Variants in DGKB observed in about 807,000 individuals in gnomAD.
The protein encoded by DGKB is 90 kDa diacylglycerol kinase.
Under a neutral mutation model 114.3 loss-of-function variants are expected in DGKB, and 67 were observed. The ratio of observed to expected loss-of-function variants is 0.59; its 90% CI spans 0.48 to 0.72. The LOEUF (loss-of-function observed/expected upper bound fraction) is 0.72. DGKB is among the 30% of genes least tolerant of loss of function. The probability of loss-of-function intolerance (pLI) is 0.00; values close to 1 mark genes in which losing one functional copy is unlikely to be tolerated. For missense variants in DGKB, 907 were observed against 975.2 expected (o/e 0.93, Z 0.93); for synonymous variants, 398 against 323.1 (o/e 1.23, Z -2.49).
At position 14,226,783 on chromosome 7, in the gene DGKB, A is replaced by G. The variant is rs1369408274; in HGVS notation, c.2123-48632T>C. On this transcript the variant is annotated intron_variant, in intron 23 of 25. Coordinates refer to ENST00000402815, the MANE Select transcript of DGKB (RefSeq NM_001350709.2). ...GAAATGAATCAATTATATAACACAT[A>G]TAAGATTGCAATTCATGTTTGTGGT... is the stretch of plus-strand genomic sequence containing the variant. 4.6e-5 allele frequency among the ~76,000 whole-genome samples: 7 copies of G among 152,098 alleles called. 1 individual carries two copies. Among genetic ancestry groups the G allele is most frequent in the Admixed American group, 3.9e-4 (6 of 15,244 alleles).
At chr7:14,846,804 G>C (rs1586883653) in intron 1 of DGKB, among the ~76,000 whole-genome samples, 1 of 152,262 alleles carries the variant, frequency 6.6e-6, no homozygotes, top group East Asian at 1.9e-4. Context: ...CACTGTACCT[G>C]GGCTAAAGCA....
At chr7:14,574,805 T>G (rs185588764) in intron 19 of DGKB, among the ~76,000 whole-genome samples, 1 of 152,304 alleles carries the variant, frequency 6.6e-6, no homozygotes, top group East Asian at 1.9e-4. Flanking sequence ...CATCACTCTC[T>G]TACCCTCACC....
At chr7:14,470,623 T>C (rs191840641) in intron 21 of DGKB, among the ~76,000 whole-genome samples, 158 of 151,970 alleles carry the variant, frequency 1.0e-3, no homozygotes, top group Non-Finnish European at 1.8e-3. Flanking sequence ...CAAAGATACA[T>C]GTTAAAAGCC....
intron 20 of DGKB, among the ~76,000 whole-genome samples, chr7:14,573,447 A>G (rs1030834885): frequency 6.7e-6 from 1 of 148,794 alleles, no homozygotes; most frequent in Admixed American, 6.7e-5. Flanking sequence ...ATATTCTACT[A>G]GCCTTTTTAT....
chr7:14,963,303 C>CA (rs1292637856), intron 1 of DGKB, among the ~76,000 whole-genome samples: 2 of 152,076 alleles, frequency 1.3e-5, no homozygotes, highest in Non-Finnish European at 2.9e-5. Context: ...CACAAATACA[C>CA]AAAATGTACT....
At chr7:14,649,290 G>T (rs374965249) in intron 13 of DGKB, among the ~76,000 whole-genome samples, 2 of 151,514 alleles carry the variant, frequency 1.3e-5, no homozygotes, top group African/African-American at 2.4e-5. Context: ...GACTAACAGC[G>T]GATCTCTCGG....
intron 20 of DGKB, among the ~76,000 whole-genome samples, chr7:14,538,777 T>A (rs1208495780): frequency 6.6e-6 from 1 of 152,168 alleles, no homozygotes; most frequent in African/African-American, 2.4e-5. Flanking sequence ...TGGCATTTTA[T>A]GCATTGGAAG....
chr7:14,216,115 T>C (rs1354898848), intron 23 of DGKB, among the ~76,000 whole-genome samples: 1 of 152,116 alleles, frequency 6.6e-6, no homozygotes, highest in African/African-American at 2.4e-5. Context: ...AATGAAGATA[T>C]ACGATTGTAA....
At chr7:14,896,402 G>A (rs1031962121) in intron 1 of DGKB, among the ~76,000 whole-genome samples, 2 of 151,474 alleles carry the variant, frequency 1.3e-5, no homozygotes, top group African/African-American at 4.8e-5. Context: ...AATATTTGGG[G>A]CACAACGGTA....
At chr7:14,914,615 T>A (rs1488201403) in intron 1 of DGKB, among the ~76,000 whole-genome samples, 1 of 151,982 alleles carries the variant, frequency 6.6e-6, no homozygotes, top group Non-Finnish European at 1.5e-5. Flanking sequence ...TTGTAAAGCA[T>A]ACTAGAAGCA....
chr7:14,250,762 A>C (rs986813598), intron 23 of DGKB, among the ~76,000 whole-genome samples: 1 of 151,970 alleles, frequency 6.6e-6, no homozygotes, highest in Non-Finnish European at 1.5e-5. Context: ...ATTGTGGTTT[A>C]TTTCTCCTTT....
At chr7:14,962,577 A>G (rs775802719) in intron 1 of DGKB, among the ~76,000 whole-genome samples, 3 of 151,962 alleles carry the variant, frequency 2.0e-5, no homozygotes, top group Non-Finnish European at 4.4e-5. Flanking sequence ...GCTTTCACAT[A>G]ACAGATTAAT....
intron 5 of DGKB, among the ~76,000 whole-genome samples, chr7:14,729,487 A>T (rs1236311271): frequency 2.0e-5 from 3 of 152,198 alleles, no homozygotes; most frequent in Non-Finnish European, 4.4e-5. Context: ...TGAATCTATG[A>T]ATACTGAATG....
At chr7:14,845,387 C>T (rs1214114054) in intron 1 of DGKB, among the ~76,000 whole-genome samples, 2 of 152,130 alleles carry the variant, frequency 1.3e-5, no homozygotes, top group African/African-American at 2.4e-5. Flanking sequence ...TAACATTTGT[C>T]TCCACACACT....
At chr7:14,648,199 G>C (rs1813546598) in intron 13 of DGKB, among the ~76,000 whole-genome samples, 1 of 152,362 alleles carries the variant, frequency 6.6e-6, no homozygotes, top group South Asian at 2.1e-4. Flanking sequence ...GCAAGGCACA[G>C]ACAAACAAAA....
chr7:14,348,496 GA>G (rs888462298), intron 21 of DGKB, among the ~76,000 whole-genome samples: 4 of 148,952 alleles, frequency 2.7e-5, no homozygotes, highest in Admixed American at 6.7e-5. Context: ...TATACAGATG[GA>G]AAAAAAAATG....
At chr7:14,581,365 C>A (rs1296916918) in intron 18 of DGKB, among the ~76,000 whole-genome samples, 1 of 152,214 alleles carries the variant, frequency 6.6e-6, no homozygotes, top group African/African-American at 2.4e-5. Flanking sequence ...ATTCTAGGTA[C>A]ATTTTACTTA....
intron 21 of DGKB, among the ~76,000 whole-genome samples, chr7:14,364,408 A>T (rs1816289904): frequency 6.6e-6 from 1 of 151,874 alleles, no homozygotes; most frequent in South Asian, 2.1e-4. Flanking sequence ...AAAAAAAAAG[A>T]AAGAAGGAAG....
At chr7:14,909,009 G>C (rs1165854187) in intron 1 of DGKB, among the ~76,000 whole-genome samples, 1 of 124,762 alleles carries the variant, frequency 8.0e-6, no homozygotes, top group African/African-American at 2.5e-5. Flanking sequence ...CTCAGTCTAT[G>C]ACTGGCTGGA....
Sources: gnomAD v4.1 joint callset for allele counts (sites outside exome capture counted in the v4.1 genomes callset) on GRCh38, gnomAD v4.1.1 for gene constraint, MANE v1.5 for transcripts, NCBI Gene and HGNC (gene_info 2026-07-23, HGNC 2026-07-21) for gene names.